The following LRP1B variants were observed in gnomAD, a reference collection of about 807,000 sequenced individuals.
The protein encoded by LRP1B is LDL receptor related protein 1B.
Under a neutral mutation model 556.6 loss-of-function variants are expected in LRP1B, and 217 were observed. The observed-to-expected ratio is 0.39, with a 90% CI of 0.35 to 0.44. LRP1B has a LOEUF of 0.44. Ranked by LOEUF, LRP1B falls within the 20% of genes least tolerant of loss-of-function variation. The pLI, the probability that LRP1B is intolerant of heterozygous loss-of-function variation, is 1.00. For synonymous variants in LRP1B, 2,047 were observed against 1,865.8 expected (o/e 1.10, Z -2.50); for missense variants, 5,053 against 5,620.8 (o/e 0.90, Z 3.23).
intron 86 of LRP1B, among the ~76,000 whole-genome samples, chr2:140,264,726 G>C (rs963826828): frequency 2.1e-4 from 21 of 100,592 alleles, no homozygotes; most frequent in Non-Finnish European, 3.4e-4. Context: ...GTGTGTGTGT[G>C]TGTGTGTGTG....
At chr2:141,173,174 T>C (rs1680582809) in intron 7 of LRP1B, among the ~76,000 whole-genome samples, 1 of 152,026 alleles carries the variant, frequency 6.6e-6, no homozygotes, top group Non-Finnish European at 1.5e-5. Flanking sequence ...ATCATCATCA[T>C]CACTGCCATT....
At chr2:140,272,571 A>C (rs1682510973) in intron 85 of LRP1B, among the ~76,000 whole-genome samples, 1 of 151,982 alleles carries the variant, frequency 6.6e-6, no homozygotes, top group Admixed American at 6.6e-5. Flanking sequence ...TTGTAATAAC[A>C]AATATACTTG....
chr2:141,954,631 A>T (rs1701199246), intron 1 of LRP1B, among the ~76,000 whole-genome samples: 1 of 152,136 alleles, frequency 6.6e-6, no homozygotes, highest in African/African-American at 2.4e-5. Context: ...TTAAAATAAC[A>T]TGTATGTTAT....
chr2:141,724,610 C>T (rs182842469), intron 2 of LRP1B, among the ~76,000 whole-genome samples: 1,770 of 151,954 alleles, frequency 0.012, 20 homozygotes, highest in South Asian at 0.02. Flanking sequence ...ACCTTTAAGA[C>T]TAATAACATA....
intron 3 of LRP1B, among the ~76,000 whole-genome samples, chr2:141,332,253 A>G (rs1687681483): frequency 6.6e-6 from 1 of 152,096 alleles, no homozygotes; most frequent in Non-Finnish European, 1.5e-5. Context: ...ATCTGAGTTT[A>G]TCTTCTGCAA....
intron 2 of LRP1B, among the ~76,000 whole-genome samples, chr2:141,649,443 C>A (rs1056561659): frequency 2.6e-5 from 4 of 152,150 alleles, no homozygotes; most frequent in Non-Finnish European, 4.4e-5. Flanking sequence ...TTATCCCTTT[C>A]TTAGATGCTT....
intron 55 of LRP1B, 76 bp downstream of exon 55, chr2:140,501,611 T>C (rs1176375719): frequency 5.7e-6 from 6 of 1,053,500 alleles, no homozygotes; most frequent in Non-Finnish European, 7.8e-6. Context: ...CTTTTTCATC[T>C]ATATTGGATT....
chr2:141,812,215 G>C (rs1308492334), intron 1 of LRP1B, among the ~76,000 whole-genome samples: 1 of 152,046 alleles, frequency 6.6e-6, no homozygotes, highest in Non-Finnish European at 1.5e-5. Context: ...TGTAGAGAAA[G>C]AGCATGGAAT....
At chr2:140,471,961 C>T (rs143279934) in intron 60 of LRP1B, among the ~76,000 whole-genome samples, 6,255 of 152,314 alleles carry the variant, frequency 0.041, 170 homozygotes, top group Non-Finnish European at 0.047. Flanking sequence ...CTCCTTCTTA[C>T]ACTTTCCCTC....
chr2:141,462,525 G>A (rs1681917250), intron 3 of LRP1B, among the ~76,000 whole-genome samples: 1 of 151,952 alleles, frequency 6.6e-6, no homozygotes, highest in African/African-American at 2.4e-5. Context: ...GAGAGCATTA[G>A]GACAAATACC....
chr2:141,052,468 A>C (rs1417616182), intron 10 of LRP1B, among the ~76,000 whole-genome samples: 1 of 152,044 alleles, frequency 6.6e-6, no homozygotes, highest in Non-Finnish European at 1.5e-5. Context: ...GAAGCAACAT[A>C]ATATAGTCGG....
At chr2:140,311,644 C>T (rs1384857166) in intron 83 of LRP1B, among the ~76,000 whole-genome samples, 1 of 151,796 alleles carries the variant, frequency 6.6e-6, no homozygotes, top group Non-Finnish European at 1.5e-5. Context: ...AACAAAACTG[C>T]ACTTGTATTC....
At position 140,322,093 on chromosome 2, in the gene LRP1B, T is replaced by G; in HGVS notation, c.12515-5A>C. The G allele has an allele frequency of 3.1e-6, 5 of 1,609,964 alleles. No individual in the cohort carries two copies. The highest frequency in any genetic ancestry group is 4.2e-6 in the Non-Finnish European group (5 of 1,178,568). On this transcript the variant is annotated splice_polypyrimidine_tract_variant and splice_region_variant and intron_variant, in intron 81 of 90. Transcript: ENST00000389484. ...AATCCAAGCATGGATTGGGTACTGG[T>G]GAAACAAAAGAAAACAAAGAAGTGT... is the stretch of plus-strand genomic sequence containing the variant.
intron 32 of LRP1B, among the ~76,000 whole-genome samples, chr2:140,795,447 A>G (rs1438078418): frequency 6.6e-6 from 1 of 152,146 alleles, no homozygotes; most frequent in African/African-American, 2.4e-5. Flanking sequence ...GACTACTCAG[A>G]ATATTTCCTG....
intron 31 of LRP1B, among the ~76,000 whole-genome samples, chr2:140,814,261 A>G (rs2105038459): frequency 6.6e-6 from 1 of 152,326 alleles, no homozygotes; most frequent in African/African-American, 2.4e-5. Context: ...AACAGGCATG[A>G]GCCATGGCAC....
intron 3 of LRP1B, among the ~76,000 whole-genome samples, chr2:141,373,059 A>T: frequency 6.6e-6 from 1 of 152,048 alleles, no homozygotes; most frequent in Non-Finnish European, 1.5e-5. Flanking sequence ...CATTTGTTCC[A>T]AAATTTTTAA....
intron 3 of LRP1B, among the ~76,000 whole-genome samples, chr2:141,428,084 G>A (rs1211148386): frequency 2.0e-5 from 3 of 152,106 alleles, no homozygotes; most frequent in Non-Finnish European, 4.4e-5. Flanking sequence ...TTAATGCACT[G>A]CTTTTTCACA....
chr2:140,839,194 A>G (rs1692018019), intron 31 of LRP1B, among the ~76,000 whole-genome samples: 1 of 152,214 alleles, frequency 6.6e-6, no homozygotes, highest in Non-Finnish European at 1.5e-5. Context: ...GAGATTGATT[A>G]ATTAAATTAA....
intron 43 of LRP1B, among the ~76,000 whole-genome samples, chr2:140,545,139 G>GT (rs35863628): frequency 0.43 from 61,409 of 143,306 alleles, 12,936 homozygotes; most frequent in South Asian, 0.46. Context: ...ATTTTTATGA[G>GT]TTTTTTTTTT....
Sources: allele counts gnomAD v4.1 joint callset (sites outside exome capture counted in the v4.1 genomes callset), GRCh38; gene constraint gnomAD v4.1.1; transcripts MANE v1.5; gene names NCBI Gene and HGNC (gene_info 2026-07-23, HGNC 2026-07-21).